The following SCAPER variants were observed in gnomAD, a reference collection of about 807,000 sequenced individuals.
SCAPER encodes S-phase cyclin A associated protein in the ER, also known as S phase cyclin A-associated protein in the endoplasmic reticulum.
In SCAPER, 98 loss-of-function variants were observed where a neutral mutation model predicts 182.2. That is an observed-to-expected ratio of 0.54 (90% confidence interval 0.46 to 0.64). SCAPER has a LOEUF of 0.64. Among genes scored for constraint, SCAPER ranks in the 30% least tolerant of loss-of-function variants. The pLI, the probability that SCAPER is intolerant of heterozygous loss-of-function variation, is 0.00. For missense variants in SCAPER, 1,432 were observed against 1,690.0 expected, an observed-to-expected ratio of 0.85 and a Z score of 2.68; for synonymous variants, 605 against 564.6, an observed-to-expected ratio of 1.07 and a Z score of -1.01.
Position 76,381,557 on chromosome 15 carries a change from G to A in SCAPER, c.3526C>T (p.Gln1176Ter). ...QDPTGLTAALQATDLAGVLHM... is the reference protein window; with the variant it reads ...QDPTGLTAAL ...AGAACTCCAGCCAGGTCGGTTGCCTGAAGAGCAGCTGTCAGCCCTGTGGGA... is the reference window on the plus strand; with the variant it reads ...AGAACTCCAGCCAGGTCGGTTGCCTAAAGAGCAGCTGTCAGCCCTGTGGGA... The change falls in exon 28 of 32, where the codon CAG (glutamine) becomes TAG (stop). Residue 1176 changes from glutamine to a stop codon, truncating the protein, a stop_gained. Coordinates refer to ENST00000563290, the MANE Select transcript of SCAPER (RefSeq NM_020843.4). LOFTEE classifies it high-confidence loss of function. 6.2e-7 allele frequency: 1 copy of A among 1,611,256 alleles called. No homozygotes were observed. Among genetic ancestry groups the A allele is most frequent in the African/African-American group, 1.3e-5 (1 of 75,044 alleles).
chr15:76,352,176 T>C (rs1394585794), intron 30 of SCAPER, among the ~76,000 whole-genome samples: 2 of 152,180 alleles, frequency 1.3e-5, no homozygotes, highest in Non-Finnish European at 2.9e-5. Context: ...AACCTGCACA[T>C]CATCTCCCTG....
At chr15:76,747,485 A>G (rs2061856018) in intron 15 of SCAPER, among the ~76,000 whole-genome samples, 1 of 152,142 alleles carries the variant, frequency 6.6e-6, no homozygotes, top group Non-Finnish European at 1.5e-5. Context: ...CTGGGGACAG[A>G]GTGAGACTCT....
chr15:76,439,863 C>T (rs2047442153), intron 25 of SCAPER, among the ~76,000 whole-genome samples: 1 of 152,220 alleles, frequency 6.6e-6, no homozygotes, highest in Non-Finnish European at 1.5e-5. Context: ...CCTTCTGAAT[C>T]TCTCACCCCT....
At chr15:76,749,247 T>G (rs993964367) in intron 15 of SCAPER, among the ~76,000 whole-genome samples, 1 of 151,954 alleles carries the variant, frequency 6.6e-6, no homozygotes, top group Non-Finnish European at 1.5e-5. Context: ...AAAAAAAAAT[T>G]TAATGGTATC....
chr15:76,897,808 C>T (rs541246916), intron 1 of SCAPER, among the ~76,000 whole-genome samples: 1 of 152,274 alleles, frequency 6.6e-6, no homozygotes, highest in African/African-American at 2.4e-5. Context: ...TTCAATTAGG[C>T]ACCTGACAGA....
At chr15:76,779,112 G>A (rs1215126747) in intron 8 of SCAPER, among the ~76,000 whole-genome samples, 2 of 152,000 alleles carry the variant, frequency 1.3e-5, no homozygotes, top group Non-Finnish European at 2.9e-5. Context: ...AAGATACATT[G>A]TGGAAAAACA....
At chr15:76,621,615 C>T (rs1168790745) in intron 22 of SCAPER, 149 bp downstream of exon 22, 3 of 668,248 alleles carry the variant, frequency 4.5e-6, no homozygotes, top group East Asian at 2.9e-5. Flanking sequence ...AGCCAACTCT[C>T]CTCTAGTTGG....
intron 27 of SCAPER, among the ~76,000 whole-genome samples, chr15:76,389,886 T>C (rs1368912703): frequency 6.7e-6 from 1 of 149,434 alleles, no homozygotes; most frequent in East Asian, 2.0e-4. Context: ...GAACATTAGG[T>C]AGGACAGGCT....
intron 22 of SCAPER, among the ~76,000 whole-genome samples, chr15:76,607,892 A>G (rs2050595315): frequency 6.6e-6 from 1 of 151,978 alleles, no homozygotes; most frequent in South Asian, 2.1e-4. Flanking sequence ...ACTTCTCTGC[A>G]CTGGTTATTC....
chr15:76,470,613 G>C (rs2050073074), intron 25 of SCAPER, among the ~76,000 whole-genome samples: 1 of 152,120 alleles, frequency 6.6e-6, no homozygotes, highest in Non-Finnish European at 1.5e-5. Flanking sequence ...GGAAACTCCT[G>C]GCGACTGCAG....
chr15:76,410,077 G>A (rs932483158), intron 26 of SCAPER, among the ~76,000 whole-genome samples: 5 of 152,016 alleles, frequency 3.3e-5, no homozygotes, highest in African/African-American at 1.2e-4. Context: ...ATAGGCATGA[G>A]CCATGGCATC....
At chr15:76,469,752 T>G (rs2049986351) in intron 25 of SCAPER, among the ~76,000 whole-genome samples, 1 of 152,160 alleles carries the variant, frequency 6.6e-6, no homozygotes, top group South Asian at 2.1e-4. Flanking sequence ...TTTCCTCATC[T>G]GTGAAATGGA....
chr15:76,620,296 A>G (rs1471087743), intron 22 of SCAPER, among the ~76,000 whole-genome samples: 2 of 152,166 alleles, frequency 1.3e-5, no homozygotes, highest in African/African-American at 4.8e-5. Context: ...TAGCACACAT[A>G]GAGTCTAGCA....
At chr15:76,723,704 T>G (rs952172973) in intron 17 of SCAPER, among the ~76,000 whole-genome samples, 55 of 152,338 alleles carry the variant, frequency 3.6e-4, no homozygotes, top group Admixed American at 1.0e-3. Flanking sequence ...CTTTTGATCT[T>G]TGTTGGTTTA....
intron 26 of SCAPER, among the ~76,000 whole-genome samples, chr15:76,420,956 T>A (rs960100287): frequency 2.6e-5 from 4 of 152,230 alleles, no homozygotes; most frequent in Non-Finnish European, 5.9e-5. Context: ...GAACTCATCC[T>A]TTTTTATGGC....
chr15:76,535,521 CAAAAAA>C lies in SCAPER; in HGVS notation c.2839-30553_2839-30548del, dbSNP rs56660301. Among the ~76,000 whole-genome samples the C allele has an allele frequency of 7.6e-3, 356 of 46,590 alleles. 3 individuals are homozygous for C. Among genetic ancestry groups the C allele is most frequent in the Middle Eastern group, 0.048 (2 of 42 alleles). 30.6% of individuals were successfully genotyped at this position (46,590 alleles called of 152,430 possible). On this transcript the variant is annotated intron_variant, in intron 23 of 31. Coordinates refer to ENST00000563290, the MANE Select transcript of SCAPER (RefSeq NM_020843.4). ...TGGGCGACAGAGCAAGACTCTGTCT[CAAAAAA>C]AAAAAAAAAAAAAAAAAAAAGAAAT...
At chr15:76,647,854 T>C (rs1231537742) in intron 21 of SCAPER, among the ~76,000 whole-genome samples, 3 of 152,072 alleles carry the variant, frequency 2.0e-5, no homozygotes, top group Non-Finnish European at 2.9e-5. Context: ...GGACATACCT[T>C]AGAAGGAGGA....
chr15:76,431,308 T>C (rs1208986800), intron 26 of SCAPER, among the ~76,000 whole-genome samples: 1 of 152,188 alleles, frequency 6.6e-6, no homozygotes, highest in African/African-American at 2.4e-5. Flanking sequence ...CCTTCTACAG[T>C]GTCTGGCACA....
chr15:76,733,475 G>A (rs923579146), intron 15 of SCAPER, 91 bp from the exon 16 acceptor site: 210 of 1,461,006 alleles, frequency 1.4e-4, no homozygotes, highest in African/African-American at 2.0e-4. Flanking sequence ...CAGGCTGGGC[G>A]TGGTGGTTCA....
Sources: gnomAD v4.1 joint callset for allele counts (sites outside exome capture counted in the v4.1 genomes callset) on GRCh38, gnomAD v4.1.1 for gene constraint, MANE v1.5 for transcripts, NCBI Gene and HGNC (gene_info 2026-07-23, HGNC 2026-07-21) for gene names.